The following ALG14 variants were observed in gnomAD, a reference collection of about 807,000 sequenced individuals.
ALG14 encodes UDP-N-acetylglucosamine transferase subunit ALG14.
In ALG14, 17 loss-of-function variants were observed where a neutral mutation model predicts 22.8. That is an observed-to-expected ratio of 0.75 (90% CI 0.51 to 1.12). The LOEUF is 1.12. ALG14 is among the 50% of genes most tolerant of loss of function. The probability of loss-of-function intolerance (pLI) is 0.00; values close to 1 mark genes in which losing one functional copy is unlikely to be tolerated. For missense variants in ALG14, 288 were observed against 271.8 expected, an observed-to-expected ratio of 1.06 and a Z score of -0.42; for synonymous variants, 89 against 103.7, an observed-to-expected ratio of 0.86 and a Z score of 0.86.
At chr1:95,018,600 A>G (rs953880305) in intron 3 of ALG14, among the ~76,000 whole-genome samples, 6 of 152,036 alleles carry the variant, frequency 3.9e-5, no homozygotes, top group Admixed American at 2.0e-4. Context: ...GGAAGGGTAA[A>G]TATGGGGAAT....
At chr1:95,016,253 G>A (rs1056535642) in intron 3 of ALG14, among the ~76,000 whole-genome samples, 3 of 152,070 alleles carry the variant, frequency 2.0e-5, no homozygotes, top group Non-Finnish European at 4.4e-5. Context: ...ACCTGGAGCT[G>A]GGAGTGACAA....
chr1:95,001,581 C>T (rs758554315), intron 3 of ALG14, among the ~76,000 whole-genome samples: 24 of 152,148 alleles, frequency 1.6e-4, no homozygotes, highest in Non-Finnish European at 1.9e-4. Context: ...CTGCAACCTC[C>T]GCCTCCCGGG....
intron 2 of ALG14, among the ~76,000 whole-genome samples, chr1:95,050,541 T>C (rs1457139707): frequency 6.6e-6 from 1 of 152,130 alleles, no homozygotes; most frequent in Non-Finnish European, 1.5e-5. Context: ...CTGTCAGAAA[T>C]ATAACAAAAA....
At chr1:95,057,764 A>C (rs773649949) in intron 2 of ALG14, among the ~76,000 whole-genome samples, 1 of 151,830 alleles carries the variant, frequency 6.6e-6, no homozygotes, top group African/African-American at 2.4e-5. Flanking sequence ...GTAAGAGTCC[A>C]CTGAATTCAA....
chr1:94,977,717 C>A lies in ALG14; in HGVS notation c.*5359G>T, dbSNP rs527957885. 1 of 151,712 alleles carries A rather than the reference C, an allele frequency of 6.6e-6. No individual in the cohort carries two copies. Among genetic ancestry groups the A allele is most frequent in the African/African-American group, 2.4e-5 (1 of 41,220 alleles). 9.4% of individuals were successfully genotyped at this position (151,712 alleles called of 1,614,324 possible). On this transcript the variant is annotated 3_prime_UTR_variant, in exon 4 of 4. Coordinates refer to ENST00000370205, the MANE Select transcript of ALG14 (RefSeq NM_144988.4). ...AGGCTGGAGTGCAGTGCCATGATCT[C>A]GGCTCACTGCAACCTCCACCTCCCA... is the stretch of plus-strand genomic sequence containing the variant.
chr1:95,027,646 A>T (rs1039631753), intron 2 of ALG14, among the ~76,000 whole-genome samples: 1 of 152,270 alleles, frequency 6.6e-6, no homozygotes, highest in Non-Finnish European at 1.5e-5. Flanking sequence ...GAAGAAATAC[A>T]AATAATGATA....
At chr1:95,046,973 A>AAACATAACATAACAT (rs56232245) in intron 2 of ALG14, among the ~76,000 whole-genome samples, 1,519 of 144,790 alleles carry the variant, frequency 0.01, 9 homozygotes, top group South Asian at 0.02. Flanking sequence ...TCTCACAAAA[A>AAACATAACATAACAT]AACATAACAT....
chr1:95,004,039 C>T (rs1673139313), intron 3 of ALG14, among the ~76,000 whole-genome samples: 1 of 152,018 alleles, frequency 6.6e-6, no homozygotes, highest in South Asian at 2.1e-4. Flanking sequence ...TTTTAAACAT[C>T]TTGTAAGCAT....
intron 3 of ALG14, among the ~76,000 whole-genome samples, chr1:95,006,995 C>T (rs532779783): frequency 6.6e-6 from 1 of 152,290 alleles, no homozygotes; most frequent in South Asian, 2.1e-4. Context: ...GCTTCCAGAG[C>T]TGAAATATAT....
chr1:95,012,143 G>A (rs1363836774), intron 3 of ALG14, among the ~76,000 whole-genome samples: 3 of 152,192 alleles, frequency 2.0e-5, no homozygotes, highest in African/African-American at 7.2e-5. Context: ...CCATGATTGA[G>A]AGGCCTCCCC....
intron 3 of ALG14, among the ~76,000 whole-genome samples, chr1:95,011,628 C>T (rs1028337617): frequency 3.9e-5 from 6 of 152,014 alleles, no homozygotes; most frequent in South Asian, 2.1e-4. Context: ...GGGGTTTCAC[C>T]GTGGCCTCGA....
At chr1:95,044,404 GTCCTAAATTA>G (rs991806793) in intron 2 of ALG14, among the ~76,000 whole-genome samples, 2 of 152,038 alleles carry the variant, frequency 1.3e-5, no homozygotes, top group Admixed American at 1.3e-4. Context: ...GGCTTACAAG[GTCCTAAATTA>G]TCTGGTCTTT....
At chr1:95,067,180 A>G (rs770248378) in intron 1 of ALG14, 1 of 152,262 alleles carries the variant, frequency 6.6e-6, no homozygotes, top group Non-Finnish European at 1.5e-5. Context: ...ACAAAAGACT[A>G]TACCAAAACC....
At chr1:95,031,466 C>T (rs1242192195) in intron 2 of ALG14, among the ~76,000 whole-genome samples, 1 of 152,134 alleles carries the variant, frequency 6.6e-6, no homozygotes, top group Non-Finnish European at 1.5e-5. Context: ...TAGAGAAGCT[C>T]CACTTCCAAA....
intron 3 of ALG14, among the ~76,000 whole-genome samples, chr1:94,997,420 T>C (rs10874900): frequency 0.18 from 26,754 of 152,194 alleles, 2,973 homozygotes; most frequent in East Asian, 0.56. Flanking sequence ...GGTGATAATA[T>C]TAAACCTCTG....
At chr1:95,065,899 A>T (rs1176021632) in intron 1 of ALG14, among the ~76,000 whole-genome samples, 1 of 152,248 alleles carries the variant, frequency 6.6e-6, no homozygotes, top group African/African-American at 2.4e-5. Context: ...CAATGAAAAC[A>T]TTGTTTATGA....
chr1:95,014,210 A>G (rs1416669936), intron 3 of ALG14, among the ~76,000 whole-genome samples: 1 of 152,202 alleles, frequency 6.6e-6, no homozygotes, highest in African/African-American at 2.4e-5. Flanking sequence ...TGATTTAAGA[A>G]CTGACCTAAA....
Position 94,979,310 on chromosome 1 carries a change from A to AAAAAAAAAAAAAAG in ALG14, c.*3765_*3766insCTTTTTTTTTTTTT, listed in dbSNP as rs1553222994. 5 of 89,834 alleles carry AAAAAAAAAAAAAAG rather than the reference A, an allele frequency of 5.6e-5. No homozygotes were observed. Among genetic ancestry groups the AAAAAAAAAAAAAAG allele is most frequent in the African/African-American group, 2.7e-4 (5 of 18,740 alleles). 5.6% of individuals were successfully genotyped at this position (89,834 alleles called of 1,614,324 possible). A position where few individuals can be genotyped will look rare whatever the true frequency, so the allele number is the denominator to read the frequency against. Reference sequence around the variant, plus strand: ...GTCTCGAAAAAAAAAAAAAAAAAAAAAAAAGAAAGAAAAAAGTGAAACAAG... The same window carrying AAAAAAAAAAAAAAG: ...GTCTCGAAAAAAAAAAAAAAAAAAAAAAAAAAAAAAAAAGAAAAGAAAGAAAAAAGTGAAACAAG... On this transcript the variant is annotated 3_prime_UTR_variant, in exon 4 of 4. Transcript: ENST00000370205.
chr1:95,049,806 G>A (rs1674686821), intron 2 of ALG14, among the ~76,000 whole-genome samples: 1 of 152,020 alleles, frequency 6.6e-6, no homozygotes, highest in Non-Finnish European at 1.5e-5. Flanking sequence ...AGGAGGTGGA[G>A]GCTGCAGTGA....
Sources: gnomAD v4.1 joint callset for allele counts (sites outside exome capture counted in the v4.1 genomes callset) on GRCh38, gnomAD v4.1.1 for gene constraint, MANE v1.5 for transcripts, NCBI Gene and HGNC (gene_info 2026-07-23, HGNC 2026-07-21) for gene names.